The following PAPSS2 variants were observed in gnomAD, a reference collection of about 807,000 sequenced individuals.
PAPSS2 encodes 3'-phosphoadenosine 5'-phosphosulfate synthase 2, also known as bifunctional 3'-phosphoadenosine 5'-phosphosulfate synthase 2.
PAPSS2 carries 61 observed loss-of-function variants against 66.5 expected under a neutral mutation model. That is an observed-to-expected ratio of 0.92 (90% CI 0.75 to 1.14). The LOEUF (loss-of-function observed/expected upper bound fraction) is 1.14, where lower values mean the gene tolerates loss of function less well. PAPSS2 is among the 50% of genes most tolerant of loss of function. PAPSS2 has a pLI of 0.00. For synonymous variants in PAPSS2, 289 were observed against 287.5 expected (o/e 1.01, Z -0.05); for missense variants, 708 against 789.6 (o/e 0.90, Z 1.24).
rs767711277 is a variant in PAPSS2, at chr10:87,727,439, C to T, written c.1036C>T (p.Arg346Cys). ...AEFYEHRKEE[R>C]CSRVWGTTCT... Reference sequence around the variant, plus strand: ...ATTCTATGAACACAGAAAAGAGGAACGCTGTTCCCGTGTTTGGGGGACAAC... The same window carrying T: ...ATTCTATGAACACAGAAAAGAGGAATGCTGTTCCCGTGTTTGGGGGACAAC... Residue 346 changes from arginine to cysteine, a missense_variant, in exon 9 of 13, where the codon CGC becomes TGC. Coordinates refer to ENST00000456849, the MANE Select transcript of PAPSS2 (RefSeq NM_001015880.2). 6.2e-6 allele frequency: 10 copies of T among 1,613,942 alleles called. No individual in the cohort carries two copies. The highest frequency in any genetic ancestry group is 1.6e-4 in the Middle Eastern group (1 of 6,084).
intron 9 of PAPSS2, among the ~76,000 whole-genome samples, chr10:87,735,762 G>T (rs368857247): frequency 2.4e-4 from 37 of 152,140 alleles, no homozygotes; most frequent in East Asian, 7.7e-4. Context: ...GATGCCAATA[G>T]CACTTCAGTC....
chr10:87,695,998 A>G (rs895479365), intron 1 of PAPSS2, among the ~76,000 whole-genome samples: 20 of 152,268 alleles, frequency 1.3e-4, no homozygotes, highest in Middle Eastern at 3.4e-3. Flanking sequence ...ATCTCCATCC[A>G]AATCTGGCTT....
At chr10:87,666,067 G>A (rs1852812821) in intron 1 of PAPSS2, among the ~76,000 whole-genome samples, 4 of 151,114 alleles carry the variant, frequency 2.6e-5, no homozygotes, top group Admixed American at 6.6e-5. Context: ...AAGTTCAAGC[G>A]ATTCTCACGC....
intron 1 of PAPSS2, among the ~76,000 whole-genome samples, chr10:87,683,273 A>C (rs540619356): frequency 1.4e-4 from 22 of 151,730 alleles, no homozygotes; most frequent in Admixed American, 1.4e-3. Context: ...TTGTATTTTT[A>C]GTAGAGACGG....
chr10:87,672,614 T>C (rs1852892057), intron 1 of PAPSS2, among the ~76,000 whole-genome samples: 1 of 152,174 alleles, frequency 6.6e-6, no homozygotes, highest in Admixed American at 6.5e-5. Flanking sequence ...CTGATTGCCT[T>C]TGTGTATAAT....
At chr10:87,667,471 A>T (rs1218835879) in intron 1 of PAPSS2, among the ~76,000 whole-genome samples, 7 of 152,134 alleles carry the variant, frequency 4.6e-5, no homozygotes, top group Non-Finnish European at 7.4e-5. Context: ...AACAAAACAA[A>T]CAAACAATAA....
intron 7 of PAPSS2, among the ~76,000 whole-genome samples, chr10:87,716,267 C>T (rs1853531313): frequency 6.6e-6 from 1 of 152,162 alleles, no homozygotes. Flanking sequence ...AGCATTATTG[C>T]AACAACTGCT....
intron 8 of PAPSS2, among the ~76,000 whole-genome samples, chr10:87,722,817 T>C (rs1853613102): frequency 6.6e-6 from 1 of 152,242 alleles, no homozygotes. Flanking sequence ...TGTATACACA[T>C]GTAGTGTTGT....
chr10:87,745,881 CG>C lies in PAPSS2; in HGVS notation c.1774del (p.Glu592LysfsTer18), dbSNP rs1564730839. ...ISGTRMRKLA[R>X]EGENPPDGFM... ...AGGAACTCGAATGAGGAAGCTCGCC[CG>C]GGAAGGAGAGAATCCCCCAGATGGC... is the stretch of plus-strand genomic sequence containing the variant. On this transcript the variant is annotated frameshift_variant, in exon 13 of 13. Coordinates refer to ENST00000456849, the MANE Select transcript of PAPSS2 (RefSeq NM_001015880.2). LOFTEE classifies it high-confidence loss of function. The C allele has an allele frequency of 6.2e-7, 1 of 1,613,962 alleles. No individual in the cohort carries two copies. Among genetic ancestry groups the C allele is most frequent in the Non-Finnish European group, 8.5e-7 (1 of 1,179,940 alleles).
chr10:87,698,182 T>C (rs2131919693), intron 1 of PAPSS2, among the ~76,000 whole-genome samples: 1 of 152,226 alleles, frequency 6.6e-6, no homozygotes, highest in East Asian at 1.9e-4. Flanking sequence ...CTGTGGTTTA[T>C]TTCCTACTAG....
At chr10:87,706,102 A>ATGTGTGTGTG (rs1305933544) in intron 1 of PAPSS2, among the ~76,000 whole-genome samples, 2 of 78,316 alleles carry the variant, frequency 2.6e-5, no homozygotes, top group Non-Finnish European at 4.5e-5. Context: ...ATATATATAT[A>ATGTGTGTGTG]TATATATGTG....
intron 1 of PAPSS2, among the ~76,000 whole-genome samples, chr10:87,694,704 T>G (rs1853211151): frequency 6.6e-6 from 1 of 152,234 alleles, no homozygotes. Context: ...GGATTAGGAC[T>G]TTGTTCTGTG....
At chr10:87,674,835 C>T (rs1320372116) in intron 1 of PAPSS2, among the ~76,000 whole-genome samples, 1 of 151,990 alleles carries the variant, frequency 6.6e-6, no homozygotes, top group East Asian at 1.9e-4. Context: ...ATTGGCAATC[C>T]TTTGTGTTTT....
chr10:87,662,242 G>A (rs763975393), intron 1 of PAPSS2, among the ~76,000 whole-genome samples: 24 of 152,110 alleles, frequency 1.6e-4, no homozygotes, highest in Non-Finnish European at 2.6e-4. Context: ...ATGCCAGGTG[G>A]TATACTGGGT....
chr10:87,713,305 GC>G lies in PAPSS2; in HGVS notation c.377del (p.Ala126GlufsTer23). 3 of 766,544 alleles carry G rather than the reference GC, an allele frequency of 3.9e-6. No individual in the cohort carries two copies. The highest frequency in any genetic ancestry group is 5.5e-6 in the Non-Finnish European group (3 of 548,096). 47.5% of individuals were successfully genotyped at this position (766,544 alleles called of 1,614,324 possible). On this transcript the variant is annotated frameshift_variant, in exon 3 of 13. Transcript: ENST00000456849. LOFTEE classifies it high-confidence loss of function. ...VCITSFISPF[A>X]KDRENARKIH... ...CATTACCAGCTTTATTTCTCCATTC[GC>G]AAAGGTAAAAAAAAAAAAAAAAAAA...
intron 1 of PAPSS2, among the ~76,000 whole-genome samples, chr10:87,704,416 A>C (rs1173975747): frequency 6.6e-6 from 1 of 152,204 alleles, no homozygotes; most frequent in African/African-American, 2.4e-5. Flanking sequence ...TTTACTGTGG[A>C]TCTCTGCCTG....
chr10:87,698,905 T>C (rs1853268074), intron 1 of PAPSS2, among the ~76,000 whole-genome samples: 1 of 152,190 alleles, frequency 6.6e-6, no homozygotes, highest in African/African-American at 2.4e-5. Flanking sequence ...GAAATTTTAA[T>C]TTAGTGACAC....
chr10:87,741,188 T>C (rs1347669977), intron 9 of PAPSS2, 47 bp from the exon 10 acceptor site: 1 of 1,599,170 alleles, frequency 6.3e-7, no homozygotes, highest in Non-Finnish European at 8.6e-7. Context: ...TCAGATAAAA[T>C]AGAAATCACA....
Position 87,709,317 on chromosome 10 carries a change from T to G in PAPSS2, c.145+4T>G. ...GGATGTACCGTGTGGCTAACAGGTA[T>G]GTCATGTTCATATATATATATATAT... On this transcript the variant is annotated splice_donor_region_variant and intron_variant, in intron 2 of 12. Transcript: ENST00000456849. 2 of 1,490,420 alleles carry G rather than the reference T, an allele frequency of 1.3e-6. No individual in the cohort carries two copies. The highest frequency in any genetic ancestry group is 1.8e-6 in the Non-Finnish European group (2 of 1,085,108). The allele number at this position is 1,490,420 out of a possible 1,614,324, so 92.3% of individuals were successfully genotyped here.
Sources: gnomAD v4.1 joint callset for allele counts (sites outside exome capture counted in the v4.1 genomes callset) on GRCh38, gnomAD v4.1.1 for gene constraint, MANE v1.5 for transcripts, NCBI Gene and HGNC (gene_info 2026-07-23, HGNC 2026-07-21) for gene names.